Variants in GRM3 observed in about 807,000 individuals in gnomAD.
GRM3 encodes metabotropic glutamate receptor 3.
In GRM3, 26 loss-of-function variants were observed where a neutral mutation model predicts 70.5. The ratio of observed to expected loss-of-function variants is 0.37; its 90% CI spans 0.27 to 0.51. GRM3 has a LOEUF of 0.51. Ranked by LOEUF, GRM3 falls within the 20% of genes least tolerant of loss-of-function variation. GRM3 has a pLI of 0.93. For missense variants in GRM3, 859 were observed against 1,123.8 expected (o/e 0.76, Z 3.37); for synonymous variants, 443 against 434.9 (o/e 1.02, Z -0.23).
At chr7:86,711,192 A>ATTAT (rs994708692) in intron 1 of GRM3, among the ~76,000 whole-genome samples, 22 of 151,640 alleles carry the variant, frequency 1.5e-4, no homozygotes, top group African/African-American at 4.3e-4. Flanking sequence ...ATTTTATTTT[A>ATTAT]TTATTATTAT....
At position 86,644,648 on chromosome 7, in the gene GRM3, G is replaced by GGGGGCA. The variant is rs1455117971; in HGVS notation, c.-354_-349dup. ...GCAGTGGTCCAGCGTGCAGCCGGGAGGGGGCAGGGGCAGGGGGCACTGTGA... is the reference window on the plus strand; with the variant it reads ...GCAGTGGTCCAGCGTGCAGCCGGGAGGGGGCAGGGGCAGGGGCAGGGGGCACTGTGA... On this transcript the variant is annotated 5_prime_UTR_variant, in exon 1 of 6. Coordinates refer to ENST00000361669, the MANE Select transcript of GRM3 (RefSeq NM_000840.3). 2 of 507,114 alleles carry GGGGGCA rather than the reference G, an allele frequency of 3.9e-6. No homozygotes were observed. The highest frequency in any genetic ancestry group is 2.0e-5 in the African/African-American group (1 of 51,110). The allele number at this position is 507,114 out of a possible 1,614,324, so 31.4% of individuals were successfully genotyped here.
chr7:86,724,570 TA>T (rs1795548636), intron 1 of GRM3, among the ~76,000 whole-genome samples: 1 of 152,162 alleles, frequency 6.6e-6, no homozygotes, highest in African/African-American at 2.4e-5. Context: ...AAAGTTATCC[TA>T]AATGAGTACC....
chr7:86,749,233 G>A (rs1013608694), intron 1 of GRM3, among the ~76,000 whole-genome samples: 2 of 151,996 alleles, frequency 1.3e-5, no homozygotes, highest in South Asian at 2.1e-4. Flanking sequence ...TGGGTGTCAT[G>A]TGAAACACCA....
chr7:86,684,199 G>A (rs1028380368), intron 1 of GRM3, among the ~76,000 whole-genome samples: 2 of 151,874 alleles, frequency 1.3e-5, no homozygotes, highest in Non-Finnish European at 2.9e-5. Flanking sequence ...TTTAGTTTTC[G>A]GCTCAAAGCC....
intron 2 of GRM3, among the ~76,000 whole-genome samples, chr7:86,785,685 ATTTTT>A (rs749456155): frequency 0.04 from 2,585 of 65,326 alleles, 184 homozygotes; most frequent in Middle Eastern, 0.097. Context: ...AATAGAATTG[ATTTTT>A]TTTTTTTTTT....
intron 1 of GRM3, among the ~76,000 whole-genome samples, chr7:86,722,930 T>C (rs1795505806): frequency 6.6e-6 from 1 of 152,104 alleles, no homozygotes; most frequent in Non-Finnish European, 1.5e-5. Context: ...GGCTGGAATT[T>C]ATGATCTTAA....
intron 3 of GRM3, among the ~76,000 whole-genome samples, chr7:86,793,816 G>A (rs1023703070): frequency 1.3e-5 from 2 of 151,932 alleles, no homozygotes; most frequent in Admixed American, 6.6e-5. Flanking sequence ...TATCATTATA[G>A]TTGTTATTAT....
chr7:86,681,488 G>T (rs964733918), intron 1 of GRM3, among the ~76,000 whole-genome samples: 1 of 152,062 alleles, frequency 6.6e-6, no homozygotes, highest in Non-Finnish European at 1.5e-5. Context: ...GCATTAATAA[G>T]GAATGAATAT....
intron 2 of GRM3, among the ~76,000 whole-genome samples, chr7:86,774,212 G>T (rs1029569687): frequency 1.3e-5 from 2 of 152,074 alleles, no homozygotes; most frequent in Non-Finnish European, 2.9e-5. Flanking sequence ...AATATGGAAA[G>T]AGCAGCGGTT....
At chr7:86,653,834 G>T (rs1188503180) in intron 1 of GRM3, among the ~76,000 whole-genome samples, 1 of 151,950 alleles carries the variant, frequency 6.6e-6, no homozygotes, top group Non-Finnish European at 1.5e-5. Context: ...AGTTACTAGT[G>T]TTTGAAGATT....
chr7:86,753,078 A>G (rs1796266649), intron 1 of GRM3, among the ~76,000 whole-genome samples: 2 of 152,060 alleles, frequency 1.3e-5, no homozygotes, highest in South Asian at 4.1e-4. Flanking sequence ...CCCTCATTGC[A>G]TCATCCGCAC....
intron 3 of GRM3, among the ~76,000 whole-genome samples, chr7:86,831,436 A>C (rs769738912): frequency 3.9e-5 from 6 of 152,166 alleles, no homozygotes; most frequent in South Asian, 4.1e-4. Flanking sequence ...AGAAGGTAGG[A>C]AAAAAATGTG....
intron 1 of GRM3, among the ~76,000 whole-genome samples, chr7:86,760,169 C>T (rs145175858): frequency 6.2e-4 from 95 of 152,228 alleles, no homozygotes; most frequent in African/African-American, 2.2e-3. Flanking sequence ...TAGACCCTTT[C>T]CTTTCCCTGG....
intron 3 of GRM3, among the ~76,000 whole-genome samples, chr7:86,791,561 T>C (rs2116575772): frequency 6.6e-6 from 1 of 152,278 alleles, no homozygotes; most frequent in African/African-American, 2.4e-5. Context: ...GACTGTTAGC[T>C]CGTTAGTAAC....
chr7:86,807,085 G>A (rs1797809522), intron 3 of GRM3, among the ~76,000 whole-genome samples: 2 of 66,398 alleles, frequency 3.0e-5, no homozygotes, highest in African/African-American at 1.9e-4. Flanking sequence ...TGAGGGTTCT[G>A]TTCTATTCCA....
intron 1 of GRM3, among the ~76,000 whole-genome samples, chr7:86,696,304 G>T (rs724224): frequency 0.44 from 66,804 of 152,036 alleles, 16,402 homozygotes; most frequent in East Asian, 0.81. Context: ...CAATTACAAG[G>T]TTCCTTATAA....
intron 2 of GRM3, among the ~76,000 whole-genome samples, chr7:86,768,498 C>G (rs1796660249): frequency 6.6e-6 from 1 of 152,192 alleles, no homozygotes; most frequent in African/African-American, 2.4e-5. Context: ...GTACAATGTG[C>G]TCTGAAATAA....
intron 1 of GRM3, among the ~76,000 whole-genome samples, chr7:86,651,189 C>A (rs1161900997): frequency 6.6e-6 from 1 of 152,172 alleles, no homozygotes. Flanking sequence ...TGAGCTTATA[C>A]TTCTTTTCAC....
rs1798521761 is a variant in GRM3 at position 86,839,539 on chromosome 7, T to C, written c.2025T>C (p.Asn675=). 1 of 1,608,434 alleles carries C rather than the reference T, an allele frequency of 6.2e-7. No individual in the cohort carries two copies. Among genetic ancestry groups the C allele is most frequent in the African/African-American group, 1.3e-5 (1 of 74,820 alleles). ...CIARIFDGVK[N]GAQRPKFISP... The stretch of plus-strand genomic sequence containing the variant: ...CCCGCATCTTCGATGGGGTCAAGAA[T>C]GGCGCTCAGAGGCCAAAATTCATCA... Residue 675 remains asparagine (N), a synonymous_variant, in exon 4 of 6, where the codon AAT becomes AAC. Transcript: ENST00000361669. The surrounding 1 kb of genome is among the most constrained non-coding windows in gnomAD (Gnocchi z 4.5).
Sources: gnomAD v4.1 joint callset for allele counts (sites outside exome capture counted in the v4.1 genomes callset) on GRCh38, gnomAD v4.1.1 for gene constraint, Gnocchi (gnomAD v3.1) non-coding constraint, MANE v1.5 for transcripts, NCBI Gene and HGNC (gene_info 2026-07-23, HGNC 2026-07-21) for gene names.